Variants in CEP63 observed in about 807,000 individuals in gnomAD.
CEP63 encodes the protein centrosomal protein of 63 kDa.
A neutral mutation model predicts 89.1 loss-of-function variants in CEP63; 84 were observed. The ratio of observed to expected loss-of-function variants is 0.94; its 90% CI spans 0.79 to 1.13. CEP63 has a LOEUF of 1.13. Ranked by LOEUF, CEP63 falls within the 50% of genes most tolerant of loss-of-function variation. CEP63 has a pLI of 0.00. For synonymous variants in CEP63, 267 were observed against 272.5 expected (o/e 0.98, Z 0.20); for missense variants, 838 against 813.3 (o/e 1.03, Z -0.37).
chr3:134,667,801 G>A, the CEP63 span, among the ~76,000 whole-genome samples: 1 of 152,166 alleles, frequency 6.6e-6, no homozygotes, highest in African/African-American at 2.4e-5. Flanking sequence ...CAAGACCCCG[G>A]GGCAAAGAGA....
At position 134,498,020 on chromosome 3, in the gene CEP63, C is replaced by G. The variant is rs1449534544; in HGVS notation, c.44+2656C>G. On this transcript the variant is annotated intron_variant, in intron 2 of 14. Transcript: ENST00000675561. The stretch of plus-strand genomic sequence containing the variant: ...GTAGTGTGATACCTCCAGTTTTGTT[C>G]CTTTTGATCAAGATTCCTTTGGCTA... 3.9e-5 allele frequency among the ~76,000 whole-genome samples: 6 copies of G among 151,992 alleles called. No homozygotes were observed. In the East Asian group the frequency reaches 1.2e-3, roughly 29 times the overall value.
chr3:134,623,889 C>T, the CEP63 span, among the ~76,000 whole-genome samples: 4 of 152,206 alleles, frequency 2.6e-5, no homozygotes, highest in Admixed American at 2.6e-4. Context: ...TTTGATGGCT[C>T]CAGGCCCTAT....
chr3:134,731,015 A>G, the CEP63 span, among the ~76,000 whole-genome samples: 2 of 152,318 alleles, frequency 1.3e-5, no homozygotes, highest in South Asian at 4.1e-4. Context: ...TATGTTTTTT[A>G]AAGATGAAAA....
intron 3 of CEP63, among the ~76,000 whole-genome samples, chr3:134,509,443 G>A (rs1054863382): frequency 5.9e-5 from 9 of 152,180 alleles, no homozygotes; most frequent in Non-Finnish European, 1.2e-4. Context: ...GATTTGAGCA[G>A]GGACACAGAC....
At chr3:134,595,389 T>C in the CEP63 span, among the ~76,000 whole-genome samples, 1 of 152,226 alleles carries the variant, frequency 6.6e-6, no homozygotes, top group Non-Finnish European at 1.5e-5. Context: ...CTTTTTCCTT[T>C]ATAAATTACC....
chr3:134,704,996 A>G, the CEP63 span, among the ~76,000 whole-genome samples: 1 of 152,194 alleles, frequency 6.6e-6, no homozygotes, highest in Non-Finnish European at 1.5e-5. Flanking sequence ...GCATCCCCAG[A>G]GTCTACCTTC....
chr3:134,509,869 T>A (rs1276609145), intron 3 of CEP63, among the ~76,000 whole-genome samples: 1 of 152,212 alleles, frequency 6.6e-6, no homozygotes, highest in African/African-American at 2.4e-5. Flanking sequence ...AAATCTAATA[T>A]GTATTTATGA....
At chr3:134,716,896 G>A in the CEP63 span, among the ~76,000 whole-genome samples, 15 of 151,130 alleles carry the variant, frequency 9.9e-5, no homozygotes, top group East Asian at 3.9e-4. Flanking sequence ...ACAAAAGGAC[G>A]GATGCACATG....
chr3:134,711,390 C>A, the CEP63 span, among the ~76,000 whole-genome samples: 2 of 152,228 alleles, frequency 1.3e-5, no homozygotes, highest in East Asian at 3.9e-4. Context: ...CCCTGGATTC[C>A]TCTATGTTTC....
At chr3:134,639,664 G>T in the CEP63 span, among the ~76,000 whole-genome samples, 1 of 152,004 alleles carries the variant, frequency 6.6e-6, no homozygotes, top group East Asian at 1.9e-4. Context: ...TGTCCTTTGG[G>T]GTCAGGCATG....
chr3:134,556,904 T>G (rs948239360), intron 12 of CEP63, among the ~76,000 whole-genome samples: 1 of 152,220 alleles, frequency 6.6e-6, no homozygotes, highest in Non-Finnish European at 1.5e-5. Flanking sequence ...TTAATAAGTA[T>G]GTTTAATGAC....
At chr3:134,641,384 A>G in the CEP63 span, 1 of 152,168 alleles carries the variant, frequency 6.6e-6, no homozygotes, top group South Asian at 2.1e-4. Context: ...TCTGAATGCG[A>G]CCACACATAT....
intron 2 of CEP63, among the ~76,000 whole-genome samples, chr3:134,503,867 T>C (rs1942767792): frequency 1.5e-5 from 1 of 68,146 alleles, no homozygotes; most frequent in South Asian, 4.3e-4. Context: ...TTTCAGTTTA[T>C]GCGTGTCTTT....
chr3:134,719,203 A>G, the CEP63 span, among the ~76,000 whole-genome samples: 22 of 151,852 alleles, frequency 1.4e-4, no homozygotes, highest in Middle Eastern at 3.4e-3. Context: ...GGGTCTCTCT[A>G]TGTTGCCCAG....
At chr3:134,504,134 T>A (rs1004979942) in intron 2 of CEP63, among the ~76,000 whole-genome samples, 5 of 151,778 alleles carry the variant, frequency 3.3e-5, no homozygotes, top group African/African-American at 1.2e-4. Flanking sequence ...TTAGTGATAA[T>A]GTTTGATGCC....
the CEP63 span, among the ~76,000 whole-genome samples, chr3:134,678,753 A>G: frequency 6.6e-6 from 1 of 152,186 alleles, no homozygotes; most frequent in Non-Finnish European, 1.5e-5. Context: ...GACTTGACCC[A>G]TACCCACCTC....
chr3:134,517,313 C>G (rs1300375790), intron 3 of CEP63, among the ~76,000 whole-genome samples: 1 of 152,042 alleles, frequency 6.6e-6, no homozygotes, highest in African/African-American at 2.4e-5. Flanking sequence ...AAAGAAAATC[C>G]TCTTTCTGTC....
chr3:134,741,448 C>T, the CEP63 span, among the ~76,000 whole-genome samples: 2 of 152,126 alleles, frequency 1.3e-5, no homozygotes, highest in Admixed American at 6.5e-5. Context: ...CGGTCAGTCT[C>T]CCTCACACAC....
Position 134,559,272 on chromosome 3 carries a change from T to G in CEP63, c.1796T>G (p.Leu599Arg), listed in dbSNP as rs373618043. 2 of 1,614,088 alleles carry G rather than the reference T, an allele frequency of 1.2e-6. No individual in the cohort carries two copies. The highest frequency in any genetic ancestry group is 2.2e-5 in the South Asian group (2 of 91,082). ...INPMSRVLSPLSPQISPCSST... is the reference protein window; with the variant it reads ...INPMSRVLSPRSPQISPCSST... Reference sequence around the variant, plus strand: ...CCCATGTCTAGGGTGCTAAGCCCCCTGAGTCCTCAAATCAGCCCTTGCAGC... The same window carrying G: ...CCCATGTCTAGGGTGCTAAGCCCCCGGAGTCCTCAAATCAGCCCTTGCAGC... Residue 599 changes from leucine to arginine, a missense_variant, in exon 14 of 15, where the codon CTG becomes CGG. Transcript: ENST00000675561.
Sources: gnomAD v4.1 joint callset for allele counts (sites outside exome capture counted in the v4.1 genomes callset) on GRCh38, gnomAD v4.1.1 for gene constraint, MANE v1.5 for transcripts, NCBI Gene and HGNC (gene_info 2026-07-23, HGNC 2026-07-21) for gene names.